Variants in ATXN3 observed in about 807,000 individuals in gnomAD.
ATXN3 encodes ataxin 3.
Under a neutral mutation model 58.2 loss-of-function variants are expected in ATXN3, and 28 were observed. That is an observed-to-expected ratio of 0.48 (90% CI 0.36 to 0.66). ATXN3 has a LOEUF of 0.66. Ranked by LOEUF, ATXN3 falls within the 30% of genes least tolerant of loss-of-function variation. The probability of loss-of-function intolerance (pLI) is 0.00; values close to 1 mark genes in which losing one functional copy is unlikely to be tolerated. For missense variants in ATXN3, 321 were observed against 422.1 expected (o/e 0.76, Z 2.10); for synonymous variants, 113 against 138.5 (o/e 0.82, Z 1.29).
chr14:92,082,434 T>C lies in ATXN3; in HGVS notation c.641A>G (p.Glu214Gly), dbSNP rs752168522. ...VHKTDLERVL[E>G]ANDGSGMLDE... ...TAACATTCCTGAGCCATCATTTGCT[T>C]CTAACACTCGTTCCAGGTCTGTTTT... Residue 214 changes from glutamate to glycine, a missense_variant, in exon 8 of 11, where the codon GAA becomes GGA. Physicochemically the swap from Glu to Gly is moderately conservative, Grantham distance 98 (BLOSUM62 -2). Around this residue, in one of 2 missense-constraint regions of ATXN3, gnomAD observed 200 missense variants for 223.2 expected, o/e 0.90. Transcript: ENST00000644486. 1 of 1,614,158 alleles carries C rather than the reference T, an allele frequency of 6.2e-7. No individual in the cohort carries two copies. Among genetic ancestry groups the C allele is most frequent in the Non-Finnish European group, 8.5e-7 (1 of 1,180,002 alleles).
intron 10 of ATXN3, among the ~76,000 whole-genome samples, chr14:92,065,993 G>A (rs1228591814): frequency 1.3e-5 from 2 of 151,892 alleles, no homozygotes; most frequent in Non-Finnish European, 2.9e-5. Context: ...TGACTGTGCA[G>A]CATTGCCCAG....
chr14:92,050,321 T>C (rs945466796), upstream of ATXN3: 1 of 152,190 alleles, frequency 6.6e-6, no homozygotes, highest in African/African-American at 2.4e-5. Context: ...TTTTTTATAA[T>C]AAAAAGTTAA....
chr14:92,056,205 A>G (rs1278035665), downstream of ATXN3, among the ~76,000 whole-genome samples: 3 of 152,214 alleles, frequency 2.0e-5, no homozygotes, highest in Non-Finnish European at 4.4e-5. Flanking sequence ...CTTGGGGCCC[A>G]TGTAGTGACA....
In ATXN3 at chr14:92,071,010, C is replaced by CTGCTG. The variant is rs1555397062; in HGVS notation, c.915_916insCAGCA (p.Gly306GlnfsTer27). ...TGTGAACTCTGTCCTGATAGGTCCC[C>CTGCTG]CTGCTGCTGCTGCTGCTGCTGCTGT... On this transcript the variant is annotated frameshift_variant, in exon 10 of 11. Coordinates refer to ENST00000644486, the MANE Select transcript of ATXN3 (RefSeq NM_004993.6). LOFTEE classifies it high-confidence loss of function. The CTGCTG allele has an allele frequency of 1.0e-4, 149 of 1,456,922 alleles. 9 individuals carry two copies. Among genetic ancestry groups the CTGCTG allele is most frequent in the South Asian group, 1.9e-4 (16 of 83,806 alleles). The allele number at this position is 1,456,922 out of a possible 1,614,324, so 90.2% of individuals were successfully genotyped here.
chr14:92,056,349 T>G (rs560554327), downstream of ATXN3, among the ~76,000 whole-genome samples: 1 of 152,212 alleles, frequency 6.6e-6, no homozygotes, highest in Non-Finnish European at 1.5e-5. Flanking sequence ...TTACTGCCGG[T>G]ATGTAAAAAA....
At chr14:92,095,047 T>G (rs957213751) in intron 3 of ATXN3, among the ~76,000 whole-genome samples, 1 of 151,198 alleles carries the variant, frequency 6.6e-6, no homozygotes, top group Non-Finnish European at 1.5e-5. Flanking sequence ...TAAAAGAATC[T>G]TGCGAGTACA....
rs780988220 is a variant in ATXN3, at chr14:92,096,044, C to T, written c.234+49G>A. On this transcript the variant is annotated intron_variant, in intron 3 of 10. Transcript: ENST00000644486. ...CAGTGACTATTGAAAGGCTGTGAAA[C>T]GGTGCCTGGGATGTAAGCAACACAT... is the stretch of plus-strand genomic sequence containing the variant. The T allele has an allele frequency of 4.2e-6, 6 of 1,422,200 alleles. No individual in the cohort carries two copies. In the African/African-American group the frequency reaches 7.1e-5, roughly 17 times the overall value. 88.1% of individuals were successfully genotyped at this position (1,422,200 alleles called of 1,614,324 possible). A position where few individuals can be genotyped will look rare whatever the true frequency, so the allele number is the denominator to read the frequency against.
chr14:92,073,903 C>T (rs750086718), intron 9 of ATXN3, among the ~76,000 whole-genome samples: 5 of 151,082 alleles, frequency 3.3e-5, no homozygotes, highest in Admixed American at 6.6e-5. Context: ...GTCCCAGCTA[C>T]TCAGGAGGCT....
intron 1 of ATXN3, among the ~76,000 whole-genome samples, chr14:92,104,171 C>T (rs2141343789): frequency 6.6e-6 from 1 of 152,256 alleles, no homozygotes; most frequent in East Asian, 1.9e-4. Context: ...GACGGAGTCT[C>T]GCTCTGTTGC....
intron 9 of ATXN3, 180 bp downstream of exon 9, chr14:92,080,785 C>T (rs764463548): frequency 5.0e-6 from 3 of 600,002 alleles, no homozygotes; most frequent in South Asian, 4.6e-5. Flanking sequence ...ATCTGCCCGC[C>T]TTGGCCTCCC....
chr14:92,099,906 G>A (rs2066363265), intron 1 of ATXN3, among the ~76,000 whole-genome samples: 1 of 146,832 alleles, frequency 6.8e-6, no homozygotes, highest in African/African-American at 2.5e-5. Context: ...AAGACAGAAA[G>A]AAAGAAAAGA....
intron 6 of ATXN3, among the ~76,000 whole-genome samples, chr14:92,085,327 C>T (rs1039533604): frequency 6.6e-6 from 1 of 152,006 alleles, no homozygotes; most frequent in Admixed American, 6.6e-5. Flanking sequence ...GCTGGGACTA[C>T]AGGTGCACAA....
intron 6 of ATXN3, among the ~76,000 whole-genome samples, chr14:92,085,421 C>T (rs1049049532): frequency 6.6e-6 from 1 of 152,096 alleles, no homozygotes; most frequent in Admixed American, 6.6e-5. Context: ...AACTCCTGAC[C>T]TCAAGTGATC....
At chr14:92,056,121 G>GCCT (rs10554546), downstream of ATXN3, among the ~76,000 whole-genome samples, 1 of 151,894 alleles carries the variant, frequency 6.6e-6, no homozygotes, top group Admixed American at 6.6e-5. Flanking sequence ...CTCCCTCCTG[G>GCCT]CCTCCTACGC....
At chr14:92,053,045 AG>A (rs1427601382), upstream of ATXN3, among the ~76,000 whole-genome samples, 1 of 152,168 alleles carries the variant, frequency 6.6e-6, no homozygotes, top group Admixed American at 6.5e-5. Context: ...TGAGGTCAGG[AG>A]TTCGAGATCA....
rs574329328 is a variant in ATXN3 at position 92,079,565 on chromosome 14, A to C, written c.872+1400T>G. On this transcript the variant is annotated intron_variant, in intron 9 of 10. Transcript: ENST00000644486. The stretch of plus-strand genomic sequence containing the variant: ...TTATAGGTGCTGCTAATATACTGTC[A>C]ATTATGACTGTAAGATGCTTCTCAA... 2.8e-5 allele frequency: 9 copies of C among 318,612 alleles called. No individual in the cohort carries two copies. The East Asian group carries it at 1.5e-3, about 55-fold the overall frequency. The allele number at this position is 318,612 out of a possible 1,614,324, so 19.7% of individuals were successfully genotyped here. A position where few individuals can be genotyped will look rare whatever the true frequency, so the allele number is the denominator to read the frequency against.
chr14:92,069,136 T>C (rs1389580000), intron 10 of ATXN3, among the ~76,000 whole-genome samples: 3 of 149,880 alleles, frequency 2.0e-5, no homozygotes, highest in East Asian at 4.0e-4. Flanking sequence ...TGGAGTTCAA[T>C]GGCACAATCT....
chr14:92,085,068 T>G (rs1046430560), intron 6 of ATXN3, among the ~76,000 whole-genome samples: 3 of 152,180 alleles, frequency 2.0e-5, no homozygotes, highest in Non-Finnish European at 2.9e-5. Context: ...GTTTCTGTAT[T>G]GTATAATAAA....
chr14:92,101,068 T>A (rs2066659040), intron 1 of ATXN3, among the ~76,000 whole-genome samples: 1 of 152,178 alleles, frequency 6.6e-6, no homozygotes, highest in African/African-American at 2.4e-5. Flanking sequence ...GTACTTGAAA[T>A]CAAACTTCAT....
Sources: gnomAD v4.1 joint callset for allele counts (sites outside exome capture counted in the v4.1 genomes callset) on GRCh38, gnomAD v4.1.1 for gene constraint, gnomAD v4.1.1 regional missense constraint, MANE v1.5 for transcripts, NCBI Gene and HGNC (gene_info 2026-07-23, HGNC 2026-07-21) for gene names.